Variants in G3BP1 observed in about 807,000 individuals in gnomAD.
G3BP1 encodes ras GTPase-activating protein-binding protein 1.
Under a neutral mutation model 58.6 loss-of-function variants are expected in G3BP1, and 35 were observed. The ratio of observed to expected loss-of-function variants is 0.60; its 90% CI spans 0.46 to 0.79. G3BP1 has a LOEUF of 0.79. Among genes scored for constraint, G3BP1 ranks in the 30% least tolerant of loss-of-function variants. The pLI is 0.00. For synonymous variants in G3BP1, 191 were observed against 195.4 expected (o/e 0.98, Z 0.19); for missense variants, 523 against 580.8 (o/e 0.90, Z 1.02).
intron 9 of G3BP1, 101 bp from the exon 10 acceptor site, chr5:151,800,117 T>C: frequency 8.1e-7 from 1 of 1,237,254 alleles, no homozygotes; most frequent in Non-Finnish European, 1.2e-6. Context: ...TTGATGGAAT[T>C]ACCTGTTTTT....
At chr5:151,776,458 A>G (rs189537962) in intron 1 of G3BP1, among the ~76,000 whole-genome samples, 12 of 152,184 alleles carry the variant, frequency 7.9e-5, no homozygotes, top group African/African-American at 2.9e-4. Context: ...AGCTACTGTT[A>G]TTATTTTGGG....
At position 151,809,243 on chromosome 5, in the gene G3BP1, C is replaced by T. The variant is rs1470165241; in HGVS notation, c.*5152C>T. ...ACTCACTGTCCTCATGCTTTGATGT[C>T]AGTTGTTCTCCTAAATTTTAAAATT... On this transcript the variant is annotated 3_prime_UTR_variant, in exon 12 of 12. Transcript: ENST00000356245. 2 of 152,150 alleles carry T rather than the reference C, an allele frequency of 1.3e-5. No homozygotes were observed. The highest frequency in any genetic ancestry group is 2.9e-5 in the Non-Finnish European group (2 of 68,032). The allele number at this position is 152,150 out of a possible 1,614,324, so 9.4% of individuals were successfully genotyped here.
rs1762993153 is a variant in G3BP1 at position 151,809,911 on chromosome 5, C to T, written c.*5820C>T. 6.6e-6 allele frequency: 1 copy of T among 152,162 alleles called. No individual in the cohort carries two copies. The highest frequency in any genetic ancestry group is 2.4e-5 in the African/African-American group (1 of 41,430). 9.4% of individuals were successfully genotyped at this position (152,162 alleles called of 1,614,324 possible). On this transcript the variant is annotated 3_prime_UTR_variant, in exon 12 of 12. Coordinates refer to ENST00000356245, the MANE Select transcript of G3BP1 (RefSeq NM_005754.3). ...TTGTCTAAGGACATTAACTTGTGCTCCCCTCAGGGATGGGTTTACTACTAG... is the reference window on the plus strand; with the variant it reads ...TTGTCTAAGGACATTAACTTGTGCTTCCCTCAGGGATGGGTTTACTACTAG...
At chr5:151,786,439 C>T in intron 1 of G3BP1, 133 bp from the exon 2 acceptor site, 1 of 561,858 alleles carries the variant, frequency 1.8e-6, no homozygotes, top group Non-Finnish European at 3.2e-6. Context: ...TATAAAATCT[C>T]AACTGGTCTG....
chr5:151,772,916 A>G (rs918141542), intron 1 of G3BP1, among the ~76,000 whole-genome samples: 5 of 152,366 alleles, frequency 3.3e-5, no homozygotes, highest in East Asian at 1.9e-4. Context: ...CTGGGCTTCC[A>G]GGGAGACAAG....
chr5:151,791,164 A>G (rs1762646257), intron 4 of G3BP1, 102 bp downstream of exon 4: 1 of 1,029,096 alleles, frequency 9.7e-7, no homozygotes, highest in Middle Eastern at 2.5e-4. Flanking sequence ...TCAGACTTAC[A>G]GAAAACTTGG....
chr5:151,795,104 C>T (rs1762727005), intron 5 of G3BP1, among the ~76,000 whole-genome samples: 1 of 152,124 alleles, frequency 6.6e-6, no homozygotes, highest in African/African-American at 2.4e-5. Flanking sequence ...GGTGAAACCC[C>T]ATCTCTACTA....
intron 6 of G3BP1, among the ~76,000 whole-genome samples, chr5:151,796,271 T>C (rs866594409): frequency 2.3e-4 from 35 of 152,258 alleles, no homozygotes; most frequent in African/African-American, 8.2e-4. Flanking sequence ...GCAGTTTTGT[T>C]TGTTTTTGTT....
chr5:151,774,424 G>T (rs1032879395), intron 1 of G3BP1, among the ~76,000 whole-genome samples: 2 of 151,708 alleles, frequency 1.3e-5, no homozygotes, highest in African/African-American at 2.4e-5. Flanking sequence ...GTAAAAGTTT[G>T]TGAATTTTAT....
intron 1 of G3BP1, among the ~76,000 whole-genome samples, chr5:151,778,406 C>A (rs538311929): frequency 6.6e-6 from 1 of 152,190 alleles, no homozygotes; most frequent in Middle Eastern, 3.4e-3. Context: ...ATCTTTAAGT[C>A]TTTTGCTCAT....
chr5:151,789,074 C>T (rs1762602877), intron 2 of G3BP1, among the ~76,000 whole-genome samples: 1 of 152,080 alleles, frequency 6.6e-6, no homozygotes, highest in Admixed American at 6.6e-5. Context: ...CGTGCCCAGC[C>T]TTTTTTTGTA....
At chr5:151,787,928 TGTGA>T in intron 2 of G3BP1, 4 of 174,616 alleles carry the variant, frequency 2.3e-5, no homozygotes, top group Middle Eastern at 2.2e-3. Flanking sequence ...TGTGTGTGTG[TGTGA>T]GAGAGAGAGA....
intron 1 of G3BP1, among the ~76,000 whole-genome samples, chr5:151,775,694 CG>C (rs1762358297): frequency 6.6e-6 from 1 of 152,144 alleles, no homozygotes; most frequent in Non-Finnish European, 1.5e-5. Flanking sequence ...AAGAATTTTG[CG>C]GATGAGCATT....
intron 1 of G3BP1, among the ~76,000 whole-genome samples, chr5:151,773,320 A>C (rs1261481430): frequency 7.8e-6 from 1 of 127,504 alleles, no homozygotes; most frequent in African/African-American, 3.2e-5. Flanking sequence ...GTTGGCGCCC[A>C]GTTACAGTAT....
intron 3 of G3BP1, among the ~76,000 whole-genome samples, 154 bp downstream of exon 3, chr5:151,790,558 T>G (rs1181897914): frequency 2.6e-5 from 4 of 152,214 alleles, no homozygotes; most frequent in Non-Finnish European, 4.4e-5. Context: ...GATTAATATA[T>G]TTGTTGAAAT....
rs1029737228 is a variant in G3BP1, at chr5:151,808,943, G to C, written c.*4852G>C. The C allele has an allele frequency of 2.0e-5, 3 of 152,322 alleles. No individual in the cohort carries two copies. The highest frequency in any genetic ancestry group is 2.0e-4 in the Admixed American group (3 of 15,288). The allele number at this position is 152,322 out of a possible 1,614,324, so 9.4% of individuals were successfully genotyped here. A position where few individuals can be genotyped will look rare whatever the true frequency, so the allele number is the denominator to read the frequency against. ...TGTAATCCCAGTGCTGTGGGAGGCTGAGGCCAGAGGATTGCTCGAGGCCAG... is the reference window on the plus strand; with the variant it reads ...TGTAATCCCAGTGCTGTGGGAGGCTCAGGCCAGAGGATTGCTCGAGGCCAG... On this transcript the variant is annotated 3_prime_UTR_variant, in exon 12 of 12. Transcript: ENST00000356245.
intron 1 of G3BP1, among the ~76,000 whole-genome samples, chr5:151,772,833 C>T (rs1257688108): frequency 6.6e-6 from 1 of 152,228 alleles, no homozygotes; most frequent in Non-Finnish European, 1.5e-5. Context: ...GAGCACTTGT[C>T]CCTCGGGGCA....
At chr5:151,790,469 G>C in intron 3 of G3BP1, 65 bp downstream of exon 3, 1 of 807,416 alleles carries the variant, frequency 1.2e-6, no homozygotes, top group Non-Finnish European at 2.0e-6. Context: ...AATTGAAGTG[G>C]ATCATACTTA....
Position 151,803,957 on chromosome 5 carries a change from C to T in G3BP1, c.1267C>T (p.Arg423Ter), listed in dbSNP as rs140218237. Residue 423 changes from arginine (R) to a stop codon, truncating the protein, a stop_gained, in exon 12 of 12, where the codon CGA becomes TGA. Coordinates refer to ENST00000356245, the MANE Select transcript of G3BP1 (RefSeq NM_005754.3). LOFTEE classifies it high-confidence loss of function. ...KKTRAAREGD[R>*]RDNRLRGPGG... Reference sequence around the variant, plus strand: ...GACTCGAGCTGCCAGGGAAGGCGACCGACGAGATAATCGCCTTCGGGGACC... The same window carrying T: ...GACTCGAGCTGCCAGGGAAGGCGACTGACGAGATAATCGCCTTCGGGGACC... The T allele has an allele frequency of 4.3e-6, 7 of 1,613,502 alleles. No homozygotes were observed. Among genetic ancestry groups the T allele is most frequent in the East Asian group, 2.2e-5 (1 of 44,902 alleles).
Sources: allele counts gnomAD v4.1 joint callset (sites outside exome capture counted in the v4.1 genomes callset), GRCh38; gene constraint gnomAD v4.1.1; transcripts MANE v1.5; gene names NCBI Gene and HGNC (gene_info 2026-07-23, HGNC 2026-07-21).